The following NSD1 variants were observed in gnomAD, a reference collection of about 807,000 sequenced individuals.
NSD1 encodes histone-lysine N-methyltransferase, H3 lysine-36 specific.
In NSD1, 26 loss-of-function variants were observed where a neutral mutation model predicts 242.7. That is an observed-to-expected ratio of 0.11 (90% confidence interval 0.08 to 0.15). The LOEUF (loss-of-function observed/expected upper bound fraction) is 0.15, where lower values mean the gene tolerates loss of function less well. Ranked by LOEUF, NSD1 falls within the 10% of genes least tolerant of loss-of-function variation. The probability of loss-of-function intolerance (pLI) is 1.00; values close to 1 mark genes in which losing one functional copy is unlikely to be tolerated. For synonymous variants in NSD1, 1,106 were observed against 1,178.1 expected (o/e 0.94, Z 1.25); for missense variants, 2,495 against 3,272.8 (o/e 0.76, Z 5.80).
chr5:177,166,511 C>T (rs1434332365), intron 2 of NSD1, among the ~76,000 whole-genome samples: 1 of 151,094 alleles, frequency 6.6e-6, no homozygotes, highest in East Asian at 2.0e-4. Context: ...TACCACTGCA[C>T]TCCAGCCTGG....
intron 8 of NSD1, among the ~76,000 whole-genome samples, chr5:177,243,880 A>T (rs1766079789): frequency 6.6e-6 from 1 of 151,942 alleles, no homozygotes; most frequent in South Asian, 2.1e-4. Context: ...TTTAGTAGTG[A>T]TGGGGTTTCT....
chr5:177,276,560 A>G (rs1162920816), intron 17 of NSD1, among the ~76,000 whole-genome samples: 2 of 152,118 alleles, frequency 1.3e-5, no homozygotes, highest in Admixed American at 6.6e-5. Context: ...TCCTGACCTC[A>G]GGTGATCTGC....
intron 5 of NSD1, among the ~76,000 whole-genome samples, chr5:177,214,500 A>T (rs1371707979): frequency 1.3e-5 from 2 of 152,176 alleles, no homozygotes; most frequent in East Asian, 3.9e-4. Context: ...TCCTTTGTTC[A>T]ATCCATGACA....
intron 2 of NSD1, among the ~76,000 whole-genome samples, chr5:177,181,417 T>G (rs1041522251): frequency 1.5e-5 from 2 of 135,636 alleles, no homozygotes; most frequent in South Asian, 2.5e-4. Flanking sequence ...TCATTATGGG[T>G]TTTTTTTTGG....
At position 177,135,390 on chromosome 5, in the gene NSD1, C is replaced by T. The variant is rs2149755714; in HGVS notation, c.287C>T (p.Ser96Phe). The T allele has an allele frequency of 1.2e-6, 2 of 1,613,106 alleles. No homozygotes were observed. Among genetic ancestry groups the T allele is most frequent in the Non-Finnish European group, 1.7e-6 (2 of 1,179,376 alleles). The change falls in exon 2 of 23, where the codon TCC becomes TTC. Residue 96 changes from serine to phenylalanine, a missense_variant. Physicochemically the swap from Ser to Phe is radical, Grantham distance 155. Coordinates refer to ENST00000439151, the MANE Select transcript of NSD1 (RefSeq NM_022455.5). Reference sequence around the variant, plus strand: ...AATGGGTCTGCTGATGGATCAGAATCCTTTCAAGACCCTGAAAAAAGTGAT... The same window carrying T: ...AATGGGTCTGCTGATGGATCAGAATTCTTTCAAGACCCTGAAAAAAGTGAT... ...YLNGSADGSESFQDPEKSDSR... is the reference protein window; with the variant it reads ...YLNGSADGSEFFQDPEKSDSR...
intron 17 of NSD1, among the ~76,000 whole-genome samples, chr5:177,274,270 G>A (rs937164750): frequency 5.9e-5 from 9 of 152,212 alleles, no homozygotes; most frequent in African/African-American, 2.2e-4. Context: ...CCTACCTAGT[G>A]AAATAGTCAT....
In NSD1 at chr5:177,288,626, T is replaced by G. The variant is rs1759530202; in HGVS notation, c.6152-193T>G. Reference sequence around the variant, plus strand: ...TCTTAAATATTACTTGTTAAGCCATTTAAGTTTTCTCTGTTAAATTGTATT... The same window carrying G: ...TCTTAAATATTACTTGTTAAGCCATGTAAGTTTTCTCTGTTAAATTGTATT... On this transcript the variant is annotated intron_variant, in intron 20 of 22. Coordinates refer to ENST00000439151, the MANE Select transcript of NSD1 (RefSeq NM_022455.5). The G allele has an allele frequency of 3.3e-5, 18 of 546,148 alleles. No homozygotes were observed. In the South Asian group the frequency reaches 3.8e-4, roughly 12 times the overall value. 33.8% of individuals were successfully genotyped at this position (546,148 alleles called of 1,614,324 possible).
chr5:177,262,410 C>A (rs1280289622), intron 14 of NSD1, among the ~76,000 whole-genome samples: 4 of 152,040 alleles, frequency 2.6e-5, no homozygotes, highest in African/African-American at 9.7e-5. Flanking sequence ...CAAGACCAGC[C>A]TGGGCAATAT....
chr5:177,141,946 G>T (rs1314472515), intron 2 of NSD1, among the ~76,000 whole-genome samples: 4 of 152,096 alleles, frequency 2.6e-5, no homozygotes, highest in Non-Finnish European at 5.9e-5. Flanking sequence ...TGATTCTCCT[G>T]CCTCAGCCTC....
chr5:177,243,798 A>G (rs886129429), intron 8 of NSD1, among the ~76,000 whole-genome samples: 3 of 151,150 alleles, frequency 2.0e-5, no homozygotes, highest in African/African-American at 4.9e-5. Flanking sequence ...AGTTCAAGCA[A>G]TTCTCCTGCC....
intron 8 of NSD1, among the ~76,000 whole-genome samples, chr5:177,241,936 T>C (rs1054278409): frequency 1.3e-5 from 2 of 152,192 alleles, no homozygotes; most frequent in African/African-American, 4.8e-5. Flanking sequence ...TTAAGGGTAC[T>C]CTGGCTTAAT....
intron 21 of NSD1, among the ~76,000 whole-genome samples, chr5:177,291,527 C>A (rs1421472616): frequency 6.6e-6 from 1 of 152,154 alleles, no homozygotes; most frequent in African/African-American, 2.4e-5. Flanking sequence ...GTGGTGGGCG[C>A]CTGTAATCCC....
rs998926129 is a variant in NSD1 at position 177,296,939 on chromosome 5, C to T, written c.*1480C>T. 6 of 233,226 alleles carry T rather than the reference C, an allele frequency of 2.6e-5. No homozygotes were observed. The highest frequency in any genetic ancestry group is 5.1e-5 in the Non-Finnish European group (6 of 118,084). The allele number at this position is 233,226 out of a possible 1,614,324, so 14.4% of individuals were successfully genotyped here. A position where few individuals can be genotyped will look rare whatever the true frequency, so the allele number is the denominator to read the frequency against. ...CAGGCCATCCCCGGCCCTAACGTCT[C>T]CTGGCCATTATCTCTTAGTTATGGC... On this transcript the variant is annotated 3_prime_UTR_variant, in exon 23 of 23. Coordinates refer to ENST00000439151, the MANE Select transcript of NSD1 (RefSeq NM_022455.5).
chr5:177,282,996 C>T (rs1759015005), intron 19 of NSD1, among the ~76,000 whole-genome samples: 1 of 152,070 alleles, frequency 6.6e-6, no homozygotes, highest in Admixed American at 6.6e-5. Context: ...TTCTGTCACC[C>T]AGGCTGGAGT....
intron 12 of NSD1, among the ~76,000 whole-genome samples, chr5:177,255,638 G>A (rs961878579): frequency 6.6e-6 from 1 of 151,778 alleles, no homozygotes. Flanking sequence ...GCTGGAGTTC[G>A]GTGGTGTGAT....
In NSD1 at chr5:177,168,907, G is replaced by A. The variant is rs894990025; in HGVS notation, c.928-22977G>A. 2.0e-5 allele frequency among the ~76,000 whole-genome samples: 3 copies of A among 152,194 alleles called. No individual in the cohort carries two copies. In the East Asian group the frequency reaches 5.8e-4, roughly 29 times the overall value. On this transcript the variant is annotated intron_variant, in intron 2 of 22. Transcript: ENST00000439151. Reference sequence around the variant, plus strand: ...TGAAGAAGTGGTAGTCAGTTGCAGAGAGGTCAGGTCAATATGGAGGATGAG... The same window carrying A: ...TGAAGAAGTGGTAGTCAGTTGCAGAAAGGTCAGGTCAATATGGAGGATGAG...
At chr5:177,293,686 G>T (rs1760036670) in intron 22 of NSD1, 146 bp from the exon 23 acceptor site, 1 of 782,840 alleles carries the variant, frequency 1.3e-6, no homozygotes, top group Non-Finnish European at 2.1e-6. Flanking sequence ...GGGGCAAGAG[G>T]TGGCTGGTGA....
Position 177,211,507 on chromosome 5 carries a change from C to T in NSD1, c.3108C>T (p.Ala1036=), listed in dbSNP as rs770358922. ...PSSKLRDAFS[A]QMVKNTVNRK... ...CCAAATTGCGAGATGCTTTTTCAGCCCAAATGGTAAAGAACACAGTGAACC... is the reference window on the plus strand; with the variant it reads ...CCAAATTGCGAGATGCTTTTTCAGCTCAAATGGTAAAGAACACAGTGAACC... The change falls in exon 5 of 23, where the codon GCC becomes GCT. Residue 1036 remains alanine, a synonymous_variant. Coordinates refer to ENST00000439151, the MANE Select transcript of NSD1 (RefSeq NM_022455.5). 4 of 1,614,020 alleles carry T rather than the reference C, an allele frequency of 2.5e-6. No homozygotes were observed. In the South Asian group the frequency reaches 4.4e-5, roughly 18 times the overall value.
At chr5:177,198,642 A>C (rs962619571) in intron 3 of NSD1, among the ~76,000 whole-genome samples, 1 of 152,136 alleles carries the variant, frequency 6.6e-6, no homozygotes, top group African/African-American at 2.4e-5. Context: ...TGGGGGGGTC[A>C]AGGCTTCAGA....
Sources: allele counts gnomAD v4.1 joint callset (sites outside exome capture counted in the v4.1 genomes callset), GRCh38; gene constraint gnomAD v4.1.1; transcripts MANE v1.5; gene names NCBI Gene and HGNC (gene_info 2026-07-23, HGNC 2026-07-21).